Variants in HSPA12A observed in about 807,000 individuals in gnomAD.
HSPA12A encodes the protein heat shock protein family A (Hsp70) member 12A.
A neutral mutation model predicts 69.2 loss-of-function variants in HSPA12A; 28 were observed. The ratio of observed to expected loss-of-function variants is 0.40; its 90% CI spans 0.30 to 0.55. The LOEUF (loss-of-function observed/expected upper bound fraction) is 0.55, where lower values mean the gene tolerates loss of function less well. Among genes scored for constraint, HSPA12A ranks in the 20% least tolerant of loss-of-function variants. The probability of loss-of-function intolerance (pLI) is 0.38; values close to 1 mark genes in which losing one functional copy is unlikely to be tolerated. For missense variants in HSPA12A, 686 were observed against 900.7 expected (o/e 0.76, Z 3.05); for synonymous variants, 345 against 370.5 (o/e 0.93, Z 0.79).
At chr10:116,779,868 C>T (rs782340184) in intron 2 of HSPA12A, among the ~76,000 whole-genome samples, 3 of 152,056 alleles carry the variant, frequency 2.0e-5, no homozygotes, top group East Asian at 1.9e-4. Flanking sequence ...ACTCCGTCCC[C>T]GCACCCCGAC....
chr10:116,740,672 GTGTC>G (rs782451044), intron 1 of HSPA12A, among the ~76,000 whole-genome samples: 60 of 3,202 alleles, frequency 0.019, no homozygotes, highest in African/African-American at 0.044. Context: ...GTGTGTGTGT[GTGTC>G]TGTGTGTGTG....
At chr10:116,835,314 T>C (rs75088488) in intron 1 of HSPA12A, 10,193 of 169,784 alleles carry the variant, frequency 0.06, 1,079 homozygotes, top group African/African-American at 0.22. Context: ...GATGGAAAAT[T>C]ACAAAAACCA....
intron 2 of HSPA12A, among the ~76,000 whole-genome samples, chr10:116,755,632 A>T (rs1412537884): frequency 2.7e-5 from 4 of 147,584 alleles, no homozygotes; most frequent in South Asian, 2.2e-4. Context: ...AAAAAAAAAA[A>T]GGTGGTGTAG....
At chr10:116,702,947 CCTT>C (rs533764304) in intron 3 of HSPA12A, among the ~76,000 whole-genome samples, 1 of 152,228 alleles carries the variant, frequency 6.6e-6, no homozygotes, top group Non-Finnish European at 1.5e-5. Context: ...TATTTCCACT[CCTT>C]CTTTTCTGTT....
chr10:116,734,479 C>T (rs1048843455), intron 1 of HSPA12A, among the ~76,000 whole-genome samples: 1 of 150,486 alleles, frequency 6.6e-6, no homozygotes, highest in Non-Finnish European at 1.5e-5. Context: ...CAAAACCCAT[C>T]CAGGGTGTCA....
chr10:116,742,340 G>T, intron 1 of HSPA12A, 90 bp downstream of exon 1: 1 of 1,291,474 alleles, frequency 7.7e-7, no homozygotes, highest in African/African-American at 1.6e-5. Flanking sequence ...TTTCCACGGC[G>T]CGCGAGGGGG....
chr10:116,747,764 C>T (rs568106379), intron 2 of HSPA12A, among the ~76,000 whole-genome samples: 2 of 151,948 alleles, frequency 1.3e-5, no homozygotes, highest in African/African-American at 4.8e-5. Context: ...TTGGGGAGGC[C>T]GAGACGGGTG....
intron 1 of HSPA12A, among the ~76,000 whole-genome samples, chr10:116,718,860 C>T (rs1390965173): frequency 6.6e-6 from 1 of 151,834 alleles, no homozygotes; most frequent in African/African-American, 2.4e-5. Context: ...CAGGCAACCA[C>T]TTAACTGAGT....
At chr10:116,717,327 C>T (rs529472708) in intron 1 of HSPA12A, among the ~76,000 whole-genome samples, 66 of 152,274 alleles carry the variant, frequency 4.3e-4, no homozygotes, top group Non-Finnish European at 8.1e-4. Context: ...ATCCCCATTT[C>T]ACAGACGAGC....
chr10:116,761,750 A>C (rs1255810884), intron 2 of HSPA12A, among the ~76,000 whole-genome samples: 1 of 152,088 alleles, frequency 6.6e-6, no homozygotes, highest in African/African-American at 2.4e-5. Context: ...GGAAGGAAAA[A>C]CAGAACAGAC....
At chr10:116,840,971 A>G (rs1845793183) in intron 1 of HSPA12A, among the ~76,000 whole-genome samples, 1 of 152,186 alleles carries the variant, frequency 6.6e-6, no homozygotes, top group Non-Finnish European at 1.5e-5. Context: ...CGGTAAAGGC[A>G]GTGGAATAGA....
chr10:116,696,045 C>T (rs1244812783), intron 5 of HSPA12A, among the ~76,000 whole-genome samples: 9 of 141,230 alleles, frequency 6.4e-5, no homozygotes, highest in African/African-American at 2.4e-4. Context: ...TTCAGGAGTG[C>T]GTGGGCTCTT....
In HSPA12A at chr10:116,684,984, C is replaced by T. The variant is rs182155492; in HGVS notation, c.664-1022G>A. ...CACCTCTCATGGCCTTGAGCTGCAG[C>T]GGGAGGCCCCACTTGCTTCTGGAAA... On this transcript the variant is annotated intron_variant, in intron 6 of 11. Transcript: ENST00000369209. 3.8e-4 allele frequency among the ~76,000 whole-genome samples: 58 copies of T among 152,288 alleles called. No homozygotes were observed. In the East Asian group the frequency reaches 9.5e-3, roughly 25 times the overall value.
At chr10:116,836,471 G>A (rs760683626) in intron 1 of HSPA12A, among the ~76,000 whole-genome samples, 1 of 152,068 alleles carries the variant, frequency 6.6e-6, no homozygotes, top group East Asian at 1.9e-4. Flanking sequence ...TAACTAGATC[G>A]CTTTGGTTCC....
At chr10:116,683,272 G>T (rs1376892451) in intron 7 of HSPA12A, among the ~76,000 whole-genome samples, 1 of 152,028 alleles carries the variant, frequency 6.6e-6, no homozygotes, top group Non-Finnish European at 1.5e-5. Flanking sequence ...TTTTAAAATC[G>T]CCATCCTCAG....
chr10:116,788,402 T>C (rs991876579), intron 2 of HSPA12A, among the ~76,000 whole-genome samples: 2 of 152,236 alleles, frequency 1.3e-5, no homozygotes, highest in African/African-American at 4.8e-5. Flanking sequence ...ATTTTAAATA[T>C]AGTTCGCAAA....
chr10:116,832,169 T>G (rs1281489093), intron 2 of HSPA12A: 1 of 149,038 alleles, frequency 6.7e-6, no homozygotes, highest in Non-Finnish European at 1.5e-5. Context: ...GTTGATTTTG[T>G]TTTTTTGGTT....
intron 5 of HSPA12A, among the ~76,000 whole-genome samples, chr10:116,694,857 G>A (rs1224619567): frequency 6.6e-6 from 1 of 152,066 alleles, no homozygotes; most frequent in African/African-American, 2.4e-5. Context: ...TGGAACAAAG[G>A]GGCTGACCCC....
At chr10:116,834,128 G>T (rs989455889) in intron 2 of HSPA12A, among the ~76,000 whole-genome samples, 1 of 152,150 alleles carries the variant, frequency 6.6e-6, no homozygotes, top group Non-Finnish European at 1.5e-5. Flanking sequence ...CAAACACCTG[G>T]CTGAGTTGGA....
Sources: allele counts gnomAD v4.1 joint callset (sites outside exome capture counted in the v4.1 genomes callset), GRCh38; gene constraint gnomAD v4.1.1; transcripts MANE v1.5; gene names NCBI Gene and HGNC (gene_info 2026-07-23, HGNC 2026-07-21).